The following ANKRD17 variants were observed in gnomAD, a reference collection of about 807,000 sequenced individuals.
ANKRD17 encodes ankyrin repeat domain-containing protein 17.
In ANKRD17, 19 loss-of-function variants were observed where a neutral mutation model predicts 229.7. That is an observed-to-expected ratio of 0.08 (90% CI 0.06 to 0.12). The LOEUF (loss-of-function observed/expected upper bound fraction) is 0.12. Among genes scored for constraint, ANKRD17 ranks in the 10% least tolerant of loss-of-function variants. The pLI is 1.00. For synonymous variants in ANKRD17, 1,112 were observed against 1,146.1 expected (o/e 0.97, Z 0.60); for missense variants, 2,176 against 3,176.8 (o/e 0.68, Z 7.57).
chr4:73,175,925 C>T (rs1734674068), intron 2 of ANKRD17, among the ~76,000 whole-genome samples: 1 of 151,528 alleles, frequency 6.6e-6, no homozygotes. Context: ...ACCATAAAAG[C>T]ATGGGCTCCT....
chr4:73,192,422 A>G (rs1292447608), intron 1 of ANKRD17, among the ~76,000 whole-genome samples: 1 of 152,100 alleles, frequency 6.6e-6, no homozygotes, highest in East Asian at 1.9e-4. Context: ...TAAAGCATAT[A>G]CACATGTGCA....
chr4:73,188,583 T>TA (rs927758871), intron 1 of ANKRD17, among the ~76,000 whole-genome samples: 21 of 151,348 alleles, frequency 1.4e-4, no homozygotes, highest in Middle Eastern at 3.4e-3. Flanking sequence ...AGACTCCGTC[T>TA]AAAAAAAACA....
At chr4:73,092,829 G>A (rs1005333302) in intron 28 of ANKRD17, among the ~76,000 whole-genome samples, 3 of 152,102 alleles carry the variant, frequency 2.0e-5, no homozygotes, top group African/African-American at 7.2e-5. Flanking sequence ...TTAGTAGTTT[G>A]TCTATTAATA....
intron 1 of ANKRD17, among the ~76,000 whole-genome samples, chr4:73,185,167 G>A (rs1736123765): frequency 1.3e-5 from 2 of 151,140 alleles, no homozygotes; most frequent in South Asian, 4.2e-4. Context: ...CCCATCTGAT[G>A]TTTTCCGAAG....
At position 73,085,347 on chromosome 4, in the gene ANKRD17, G is replaced by C. The variant is rs1240986426; in HGVS notation, c.7061C>G (p.Pro2354Arg). The C allele has an allele frequency of 1.2e-6, 2 of 1,613,966 alleles. No homozygotes were observed. The highest frequency in any genetic ancestry group is 1.7e-5 in the Admixed American group (1 of 59,986). The change falls in exon 30 of 34, where the codon CCT becomes CGT. Residue 2354 changes from proline (P) to arginine (R), a missense_variant. Physicochemically the swap from Pro to Arg is moderately radical, Grantham distance 103. Coordinates refer to ENST00000358602, the MANE Select transcript of ANKRD17 (RefSeq NM_032217.5). ...SNISGGQMYG[P>R]GAPLGGAPAA... The stretch of plus-strand genomic sequence containing the variant: ...GGGTGCTCCTCCAAGGGGTGCCCCA[G>C]GTCCGTACATCTGACCTCCTGAAAT...
intron 1 of ANKRD17, among the ~76,000 whole-genome samples, chr4:73,220,065 C>G (rs1384212949): frequency 1.3e-5 from 2 of 152,104 alleles, no homozygotes; most frequent in Non-Finnish European, 2.9e-5. Context: ...ATACACAGCC[C>G]TTGGCCATGT....
intron 1 of ANKRD17, among the ~76,000 whole-genome samples, chr4:73,249,711 G>A (rs970058294): frequency 4.6e-5 from 7 of 152,238 alleles, no homozygotes; most frequent in Middle Eastern, 3.4e-3. Context: ...AAAATTAGCC[G>A]GGCGTGGTGG....
At chr4:73,168,117 T>C (rs942484328) in intron 2 of ANKRD17, among the ~76,000 whole-genome samples, 9 of 127,170 alleles carry the variant, frequency 7.1e-5, no homozygotes, top group African/African-American at 2.8e-4. Flanking sequence ...CCCACCACTG[T>C]ACTCCAGCCT....
At chr4:73,256,501 A>T (rs1553948349) in intron 1 of ANKRD17, among the ~76,000 whole-genome samples, 1 of 152,210 alleles carries the variant, frequency 6.6e-6, no homozygotes, top group African/African-American at 2.4e-5. Context: ...TGATAAAAGG[A>T]AATAAATTAT....
intron 21 of ANKRD17, 131 bp downstream of exon 21, chr4:73,120,031 G>A (rs772048932): frequency 1.0e-6 from 1 of 962,996 alleles, no homozygotes; most frequent in Non-Finnish European, 1.6e-6. Context: ...GGTAGGTTTG[G>A]GGGAAAAAGC....
chr4:73,233,625 C>G (rs918414198), intron 1 of ANKRD17, among the ~76,000 whole-genome samples: 1 of 152,160 alleles, frequency 6.6e-6, no homozygotes, highest in Non-Finnish European at 1.5e-5. Flanking sequence ...CCCATCCCCC[C>G]ACTACCACCA....
At chr4:73,128,170 G>A (rs1727720921) in intron 16 of ANKRD17, among the ~76,000 whole-genome samples, 1 of 152,216 alleles carries the variant, frequency 6.6e-6, no homozygotes, top group Non-Finnish European at 1.5e-5. Context: ...AGGAGATAAA[G>A]GCTCTGATAA....
chr4:73,148,739 A>C, intron 8 of ANKRD17, 74 bp downstream of exon 8: 1 of 1,390,500 alleles, frequency 7.2e-7, no homozygotes, highest in South Asian at 1.3e-5. Flanking sequence ...GTGAAATACT[A>C]AAATCCAATT....
chr4:73,119,664 G>A (rs1009598387), intron 21 of ANKRD17, among the ~76,000 whole-genome samples: 2 of 152,178 alleles, frequency 1.3e-5, no homozygotes, highest in South Asian at 4.1e-4. Context: ...GAGAGTGCAC[G>A]AAAACAAGTT....
At chr4:73,185,017 G>A (rs895599440) in intron 1 of ANKRD17, among the ~76,000 whole-genome samples, 3 of 151,812 alleles carry the variant, frequency 2.0e-5, no homozygotes, top group Non-Finnish European at 4.4e-5. Context: ...AACCAATTAC[G>A]AACTTAAGTA....
chr4:73,208,121 G>A (rs1387323426), intron 1 of ANKRD17, among the ~76,000 whole-genome samples: 6 of 150,088 alleles, frequency 4.0e-5, no homozygotes, highest in African/African-American at 7.4e-5. Flanking sequence ...CCCGGGAGGC[G>A]GAGCTTGCAG....
At chr4:73,089,030 G>A (rs1312594366) in intron 29 of ANKRD17, among the ~76,000 whole-genome samples, 1 of 151,182 alleles carries the variant, frequency 6.6e-6, no homozygotes, top group Non-Finnish European at 1.5e-5. Context: ...TGTGTTGCAT[G>A]TTTATTCTTT....
intron 29 of ANKRD17, among the ~76,000 whole-genome samples, chr4:73,086,121 G>T (rs1229133031): frequency 6.6e-6 from 1 of 152,140 alleles, no homozygotes; most frequent in Admixed American, 6.5e-5. Flanking sequence ...GCACTAGTGG[G>T]CATTAATGTT....
chr4:73,228,258 A>G (rs950141039), intron 1 of ANKRD17, among the ~76,000 whole-genome samples: 2 of 152,166 alleles, frequency 1.3e-5, no homozygotes, highest in African/African-American at 4.8e-5. Flanking sequence ...AAGATTTCTG[A>G]AAGTCCATAC....
Sources: allele counts gnomAD v4.1 joint callset (sites outside exome capture counted in the v4.1 genomes callset), GRCh38; gene constraint gnomAD v4.1.1; transcripts MANE v1.5; gene names NCBI Gene and HGNC (gene_info 2026-07-23, HGNC 2026-07-21).